The following ZCCHC7 variants were observed in gnomAD, a reference collection of about 807,000 sequenced individuals.
ZCCHC7 encodes zinc finger CCHC-type containing 7, also known as zinc finger CCHC domain-containing protein 7.
Under a neutral mutation model 52.0 loss-of-function variants are expected in ZCCHC7, and 35 were observed. The observed-to-expected ratio is 0.67, with a 90% CI of 0.51 to 0.89. The LOEUF (loss-of-function observed/expected upper bound fraction) is 0.89, where lower values mean the gene tolerates loss of function less well. Ranked by LOEUF, ZCCHC7 falls within the 40% of genes least tolerant of loss-of-function variation. The probability of loss-of-function intolerance (pLI) is 0.00; values close to 1 mark genes in which losing one functional copy is unlikely to be tolerated. For synonymous variants in ZCCHC7, 217 were observed against 221.5 expected (o/e 0.98, Z 0.18); for missense variants, 574 against 649.1 (o/e 0.88, Z 1.26).
chr9:37,177,961 G>A (rs1822135191), intron 2 of ZCCHC7, among the ~76,000 whole-genome samples: 1 of 152,148 alleles, frequency 6.6e-6, no homozygotes. Flanking sequence ...AAGAAATCAT[G>A]TATGAGCTTC....
chr9:37,227,582 C>G (rs1156951484), intron 2 of ZCCHC7, among the ~76,000 whole-genome samples: 1 of 152,110 alleles, frequency 6.6e-6, no homozygotes, highest in Non-Finnish European at 1.5e-5. Flanking sequence ...AGTTCCATTC[C>G]CAGGTATTTA....
intron 6 of ZCCHC7, among the ~76,000 whole-genome samples, chr9:37,340,156 C>T (rs1254242862): frequency 2.6e-5 from 4 of 152,068 alleles, no homozygotes; most frequent in Non-Finnish European, 5.9e-5. Flanking sequence ...AGAAGAAAAT[C>T]ATTTGTAATC....
At chr9:37,182,590 T>A (rs1190994151) in intron 2 of ZCCHC7, among the ~76,000 whole-genome samples, 1 of 152,136 alleles carries the variant, frequency 6.6e-6, no homozygotes, top group Non-Finnish European at 1.5e-5. Context: ...GGTCTCAAAC[T>A]CCTGACCTTA....
At chr9:37,127,037 A>G (rs1842570196) in intron 2 of ZCCHC7, 95 bp downstream of exon 2, 1 of 1,440,402 alleles carries the variant, frequency 6.9e-7, no homozygotes, top group Admixed American at 2.2e-5. Flanking sequence ...TACTCCGTTT[A>G]ATTCCTCACT....
At chr9:37,225,970 G>A (rs538164234) in intron 2 of ZCCHC7, among the ~76,000 whole-genome samples, 2 of 152,322 alleles carry the variant, frequency 1.3e-5, no homozygotes, top group African/African-American at 4.8e-5. Flanking sequence ...ATAAAAAGAA[G>A]CTGAAGGCAG....
chr9:37,215,891 T>C (rs989012503), intron 2 of ZCCHC7, among the ~76,000 whole-genome samples: 2 of 152,346 alleles, frequency 1.3e-5, no homozygotes, highest in Non-Finnish European at 2.9e-5. Context: ...GTGTATATTT[T>C]TAAACATTTT....
chr9:37,266,382 A>T (rs1355573211), intron 2 of ZCCHC7, among the ~76,000 whole-genome samples: 2 of 152,166 alleles, frequency 1.3e-5, no homozygotes, highest in African/African-American at 4.8e-5. Flanking sequence ...TTGTTTTTTT[A>T]AATTTAGGGA....
At chr9:37,240,801 A>G (rs1032288876) in intron 2 of ZCCHC7, among the ~76,000 whole-genome samples, 2 of 151,800 alleles carry the variant, frequency 1.3e-5, no homozygotes, top group Non-Finnish European at 3.0e-5. Context: ...TTTTCTAGCT[A>G]AAAGGCCATC....
intron 2 of ZCCHC7, among the ~76,000 whole-genome samples, chr9:37,276,343 T>C (rs958591577): frequency 6.6e-6 from 1 of 152,220 alleles, no homozygotes; most frequent in Non-Finnish European, 1.5e-5. Context: ...TTTTTTGTTT[T>C]ATTTTGTTTC....
At chr9:37,204,388 A>T (rs932684293) in intron 2 of ZCCHC7, among the ~76,000 whole-genome samples, 45 of 152,132 alleles carry the variant, frequency 3.0e-4, no homozygotes, top group African/African-American at 1.1e-3. Context: ...GCCCATGCCT[A>T]TGTCTTGAAT....
intron 2 of ZCCHC7, among the ~76,000 whole-genome samples, chr9:37,272,700 A>G (rs190986609): frequency 1.3e-5 from 2 of 152,012 alleles, no homozygotes; most frequent in East Asian, 3.9e-4. Context: ...CGTGTTCTTC[A>G]TACTTTTACT....
intron 7 of ZCCHC7, among the ~76,000 whole-genome samples, chr9:37,350,133 T>C (rs28561457): frequency 1.6e-5 from 2 of 125,110 alleles, no homozygotes; most frequent in African/African-American, 6.9e-5. Flanking sequence ...TTTTTTTTTT[T>C]GGTTTTTTTT....
At chr9:37,156,948 T>C (rs1275121619) in intron 2 of ZCCHC7, among the ~76,000 whole-genome samples, 1 of 152,124 alleles carries the variant, frequency 6.6e-6, no homozygotes, top group African/African-American at 2.4e-5. Context: ...GGTAGCATAG[T>C]ACAGTGTAGT....
intron 2 of ZCCHC7, among the ~76,000 whole-genome samples, chr9:37,251,407 G>A (rs1349057063): frequency 1.3e-5 from 2 of 152,084 alleles, no homozygotes; most frequent in Non-Finnish European, 2.9e-5. Flanking sequence ...GTTGAATTGT[G>A]TACCTACTGA....
At chr9:37,321,826 C>G (rs972862975) in intron 5 of ZCCHC7, among the ~76,000 whole-genome samples, 2 of 152,062 alleles carry the variant, frequency 1.3e-5, no homozygotes, top group African/African-American at 4.8e-5. Flanking sequence ...TAGTTTACCT[C>G]TTTTGAGTCT....
rs896875735 is a variant in ZCCHC7 at position 37,319,727 on chromosome 9, G to C, written c.952-8072G>C. On this transcript the variant is annotated intron_variant, in intron 5 of 8. Coordinates refer to ENST00000336755, the MANE Select transcript of ZCCHC7 (RefSeq NM_032226.3). ...CATGAGCCACCATGGCCAGCCAGAA[G>C]ATTTTCTCCTGTGTATTCTTTCAGA... Among the ~76,000 whole-genome samples the C allele has an allele frequency of 2.0e-5, 3 of 152,110 alleles. No individual in the cohort carries two copies. In the South Asian group the frequency reaches 6.2e-4, roughly 32 times the overall value.
chr9:37,315,185 C>T (rs1166613411), intron 5 of ZCCHC7, among the ~76,000 whole-genome samples: 1 of 150,826 alleles, frequency 6.6e-6, no homozygotes, highest in Non-Finnish European at 1.5e-5. Context: ...TATATATATA[C>T]ATATATAAAC....
chr9:37,154,027 C>A (rs1018973558), intron 2 of ZCCHC7, among the ~76,000 whole-genome samples: 2 of 151,954 alleles, frequency 1.3e-5, no homozygotes, highest in Non-Finnish European at 2.9e-5. Context: ...GTAGATGAGA[C>A]CACAGGCATG....
chr9:37,240,869 G>C (rs1825845909), intron 2 of ZCCHC7, among the ~76,000 whole-genome samples: 1 of 151,748 alleles, frequency 6.6e-6, no homozygotes, highest in Non-Finnish European at 1.5e-5. Flanking sequence ...CATTTAATAT[G>C]CAATAAAATA....
Sources: allele counts gnomAD v4.1 joint callset (sites outside exome capture counted in the v4.1 genomes callset), GRCh38; gene constraint gnomAD v4.1.1; transcripts MANE v1.5; gene names NCBI Gene and HGNC (gene_info 2026-07-23, HGNC 2026-07-21).